Variants in ZNF609 observed in about 807,000 individuals in gnomAD.
The protein encoded by ZNF609 is zinc finger protein 609.
A neutral mutation model predicts 109.5 loss-of-function variants in ZNF609; 11 were observed. The ratio of observed to expected loss-of-function variants is 0.10; its 90% CI spans 0.06 to 0.17. The LOEUF is 0.17. Ranked by LOEUF, ZNF609 falls within the 10% of genes least tolerant of loss-of-function variation. The probability of loss-of-function intolerance (pLI) is 1.00; values close to 1 mark genes in which losing one functional copy is unlikely to be tolerated. For missense variants in ZNF609, 1,559 were observed against 1,772.4 expected (o/e 0.88, Z 2.16); for synonymous variants, 646 against 662.0 (o/e 0.98, Z 0.37).
intron 1 of ZNF609, among the ~76,000 whole-genome samples, chr15:64,496,326 A>G (rs536722122): frequency 3.8e-4 from 58 of 152,308 alleles, no homozygotes; most frequent in Admixed American, 1.3e-3. Flanking sequence ...GAAACTAAGG[A>G]AAGTTTTATT....
chr15:64,647,216 G>A (rs1160160753), intron 3 of ZNF609, among the ~76,000 whole-genome samples: 6 of 151,390 alleles, frequency 4.0e-5, no homozygotes, highest in African/African-American at 1.2e-4. Flanking sequence ...AGCCAGTCAC[G>A]AAAGGACAAA....
chr15:64,650,143 C>T (rs1896393069), intron 3 of ZNF609, among the ~76,000 whole-genome samples: 1 of 150,970 alleles, frequency 6.6e-6, no homozygotes, highest in South Asian at 2.1e-4. Context: ...GTAGCCCATG[C>T]CTGTAATCCT....
At chr15:64,552,486 C>T (rs1364711589) in intron 2 of ZNF609, among the ~76,000 whole-genome samples, 1 of 152,006 alleles carries the variant, frequency 6.6e-6, no homozygotes, top group East Asian at 1.9e-4. Flanking sequence ...GTTCTGCTGC[C>T]TCAGCCTCCT....
At chr15:64,637,022 G>T (rs1001343876) in intron 3 of ZNF609, among the ~76,000 whole-genome samples, 2 of 152,108 alleles carry the variant, frequency 1.3e-5, no homozygotes, top group Non-Finnish European at 2.9e-5. Context: ...ACACAGTATT[G>T]CCAGAACCCC....
chr15:64,674,877 A>C lies in ZNF609; in HGVS notation c.2023A>C (p.Thr675Pro). 6.2e-7 allele frequency: 1 copy of C among 1,613,990 alleles called. No homozygotes were observed. The highest frequency in any genetic ancestry group is 8.5e-7 in the Non-Finnish European group (1 of 1,180,002). Reference protein sequence around the residue: ...PQQIYTFQTATFTAASPGSSS... With the variant: ...PQQIYTFQTAPFTAASPGSSS... The stretch of plus-strand genomic sequence containing the variant: ...GCAAATCTACACCTTCCAGACAGCC[A>C]CCTTCACAGCAGCGAGCCCAGGCTC... Residue 675 changes from threonine (T) to proline (P), a missense_variant, in exon 5 of 10, where the codon ACC (threonine) becomes CCC (proline). Thr to Pro is a conservative substitution (Grantham distance 38). Transcript: ENST00000326648.
chr15:64,619,839 G>C (rs1435548272), intron 2 of ZNF609, among the ~76,000 whole-genome samples: 1 of 152,160 alleles, frequency 6.6e-6, no homozygotes, highest in Non-Finnish European at 1.5e-5. Context: ...ATGCAACAGT[G>C]ATGTTTCCAA....
intron 3 of ZNF609, among the ~76,000 whole-genome samples, chr15:64,647,625 C>T (rs1163176037): frequency 1.3e-5 from 2 of 151,900 alleles, no homozygotes; most frequent in Non-Finnish European, 2.9e-5. Flanking sequence ...ATTAAATGAC[C>T]TTCTATAACA....
chr15:64,526,969 G>C (rs1378558977), intron 2 of ZNF609, among the ~76,000 whole-genome samples: 2 of 151,872 alleles, frequency 1.3e-5, no homozygotes, highest in African/African-American at 4.8e-5. Flanking sequence ...GATTTTGAAG[G>C]GAACATTTAT....
At chr15:64,664,408 C>G (rs1595756964) in intron 3 of ZNF609, among the ~76,000 whole-genome samples, 2 of 152,120 alleles carry the variant, frequency 1.3e-5, no homozygotes, top group African/African-American at 4.8e-5. Flanking sequence ...AAGTAAGATT[C>G]TAGAGAAACA....
intron 2 of ZNF609, chr15:64,501,667 A>G (rs1893564674): frequency 6.6e-6 from 1 of 152,192 alleles, no homozygotes; most frequent in Admixed American, 6.5e-5. Context: ...TGTTCCCTAC[A>G]TCTGGCTTCA....
intron 2 of ZNF609, among the ~76,000 whole-genome samples, chr15:64,613,477 A>G (rs914118143): frequency 6.6e-6 from 1 of 152,196 alleles, no homozygotes. Context: ...TTATCCCATG[A>G]TGTCTACCTG....
At chr15:64,525,937 C>T (rs545227011) in intron 2 of ZNF609, among the ~76,000 whole-genome samples, 6 of 151,914 alleles carry the variant, frequency 3.9e-5, no homozygotes, top group East Asian at 3.9e-4. Context: ...TACAGGTGCA[C>T]GCCACTAAGC....
chr15:64,551,735 A>G (rs188124416), intron 2 of ZNF609, among the ~76,000 whole-genome samples: 1 of 150,164 alleles, frequency 6.7e-6, no homozygotes, highest in African/African-American at 2.4e-5. Flanking sequence ...AGAACAGCTG[A>G]TCAATGGGGC....
chr15:64,629,817 C>T (rs1896036453), intron 3 of ZNF609, among the ~76,000 whole-genome samples: 3 of 152,172 alleles, frequency 2.0e-5, no homozygotes, highest in African/African-American at 7.2e-5. Context: ...TACATCATAA[C>T]TTCCAAAAGC....
chr15:64,626,186 T>C (rs1006545783), intron 3 of ZNF609, among the ~76,000 whole-genome samples: 1 of 152,064 alleles, frequency 6.6e-6, no homozygotes, highest in Non-Finnish European at 1.5e-5. Flanking sequence ...TTATTCTCTT[T>C]TTCTGAAAGA....
chr15:64,479,829 G>C (rs548178168), intron 1 of ZNF609, among the ~76,000 whole-genome samples: 99 of 152,064 alleles, frequency 6.5e-4, no homozygotes, highest in Non-Finnish European at 1.1e-3. Context: ...TGAGGCAGGA[G>C]AATGGCTTGA....
chr15:64,660,345 C>G (rs537587519), intron 3 of ZNF609, among the ~76,000 whole-genome samples: 1 of 152,280 alleles, frequency 6.6e-6, no homozygotes, highest in Non-Finnish European at 1.5e-5. Flanking sequence ...CCTCTGGCCT[C>G]ATAATCTGTT....
intron 1 of ZNF609, among the ~76,000 whole-genome samples, chr15:64,484,842 C>T (rs1290438654): frequency 2.0e-5 from 3 of 151,598 alleles, no homozygotes; most frequent in Non-Finnish European, 2.9e-5. Flanking sequence ...GGCATGGTGG[C>T]GCTTGCCTGT....
chr15:64,645,549 C>A (rs1896323461), intron 3 of ZNF609, among the ~76,000 whole-genome samples: 1 of 152,008 alleles, frequency 6.6e-6, no homozygotes, highest in Non-Finnish European at 1.5e-5. Context: ...AATTGGATTT[C>A]ATCAAAACTA....
Sources: allele counts gnomAD v4.1 joint callset (sites outside exome capture counted in the v4.1 genomes callset), GRCh38; gene constraint gnomAD v4.1.1; transcripts MANE v1.5; gene names NCBI Gene and HGNC (gene_info 2026-07-23, HGNC 2026-07-21).